The following SH3GL3 variants were observed in gnomAD, a reference collection of about 807,000 sequenced individuals.
SH3GL3 encodes the protein SH3 domain containing GRB2 like 3, endophilin A3, also known as endophilin-A3.
A neutral mutation model predicts 47.7 loss-of-function variants in SH3GL3; 33 were observed. The observed-to-expected ratio is 0.69, with a 90% CI of 0.52 to 0.92. SH3GL3 has a LOEUF of 0.92. SH3GL3 is among the 40% of genes least tolerant of loss of function. SH3GL3 has a pLI of 0.00. For missense variants in SH3GL3, 363 were observed against 417.8 expected, an observed-to-expected ratio of 0.87 and a Z score of 1.14; for synonymous variants, 155 against 148.8, an observed-to-expected ratio of 1.04 and a Z score of -0.30.
At chr15:83,536,426 CAG>C (rs1215890548) in intron 1 of SH3GL3, among the ~76,000 whole-genome samples, 2 of 66,222 alleles carry the variant, frequency 3.0e-5, no homozygotes, top group African/African-American at 7.9e-5. Context: ...TTTTTTGAGA[CAG>C]AGTCTTACTC....
intron 1 of SH3GL3, among the ~76,000 whole-genome samples, chr15:83,456,669 G>A (rs1596004500): frequency 7.1e-6 from 1 of 141,686 alleles, no homozygotes; most frequent in African/African-American, 2.6e-5. Flanking sequence ...GCTTCGGCTC[G>A]CGCACGGTGC....
intron 1 of SH3GL3, among the ~76,000 whole-genome samples, chr15:83,551,855 T>C (rs1024299997): frequency 2.0e-5 from 3 of 152,248 alleles, no homozygotes; most frequent in African/African-American, 4.8e-5. Context: ...TGTAATCCAA[T>C]TGTGTAGATA....
chr15:83,578,291 C>G (rs547307345), intron 6 of SH3GL3, among the ~76,000 whole-genome samples: 4 of 152,172 alleles, frequency 2.6e-5, no homozygotes, highest in African/African-American at 7.2e-5. Flanking sequence ...CTCCGGAGCC[C>G]CTGCCCTCAG....
intron 1 of SH3GL3, among the ~76,000 whole-genome samples, chr15:83,519,770 T>C (rs1691183032): frequency 6.6e-6 from 1 of 152,222 alleles, no homozygotes; most frequent in Non-Finnish European, 1.5e-5. Context: ...TTCTTTTCCG[T>C]ATATGGTAAG....
At chr15:83,566,365 A>AGAGTGTGTGTGTGT (rs1459069703) in intron 3 of SH3GL3, among the ~76,000 whole-genome samples, 5 of 136,626 alleles carry the variant, frequency 3.7e-5, no homozygotes, top group African/African-American at 1.1e-4. Context: ...AGAGAGAGAG[A>AGAGTGTGTGTGTGT]GTGTGTGTGT....
At chr15:83,588,138 G>T (rs1489461455) in intron 7 of SH3GL3, among the ~76,000 whole-genome samples, 1 of 152,114 alleles carries the variant, frequency 6.6e-6, no homozygotes, top group African/African-American at 2.4e-5. Flanking sequence ...GTTTTGAGAT[G>T]GAGTCGTGCT....
intron 6 of SH3GL3, among the ~76,000 whole-genome samples, chr15:83,585,351 C>G (rs1393808775): frequency 5.9e-5 from 9 of 152,310 alleles, no homozygotes; most frequent in Middle Eastern, 6.8e-3. Context: ...CCCCTTGCCC[C>G]CTTCCTGTTC....
chr15:83,588,410 G>A (rs1282097251), intron 7 of SH3GL3, among the ~76,000 whole-genome samples: 1 of 152,190 alleles, frequency 6.6e-6, no homozygotes, highest in Non-Finnish European at 1.5e-5. Flanking sequence ...ACAGGCATGA[G>A]CCACCATGGC....
At chr15:83,460,085 CCTTCCTTCCTTG>C (rs2040216424) in intron 1 of SH3GL3, among the ~76,000 whole-genome samples, 2 of 128,314 alleles carry the variant, frequency 1.6e-5, no homozygotes, top group South Asian at 3.2e-4. Context: ...TTCCTTCCTT[CCTTCCTTCCTTG>C]CTTCCTTCCT....
chr15:83,619,745 C>G (rs748868736), downstream of SH3GL3, among the ~76,000 whole-genome samples: 1 of 152,162 alleles, frequency 6.6e-6, no homozygotes, highest in Non-Finnish European at 1.5e-5. Flanking sequence ...ATATTGATAG[C>G]CACTGACTGA....
chr15:83,616,528 C>T (rs2060823610), intron 8 of SH3GL3, among the ~76,000 whole-genome samples: 1 of 152,142 alleles, frequency 6.6e-6, no homozygotes, highest in East Asian at 1.9e-4. Flanking sequence ...AAGCGTGAGC[C>T]ACTGCGCCTG....
chr15:83,627,530 C>G, the SH3GL3 span, among the ~76,000 whole-genome samples: 1 of 152,158 alleles, frequency 6.6e-6, no homozygotes, highest in African/African-American at 2.4e-5. Context: ...GACAGAAGCA[C>G]TGCAGAATAG....
At chr15:83,544,646 T>G (rs958887941) in intron 1 of SH3GL3, among the ~76,000 whole-genome samples, 1 of 152,168 alleles carries the variant, frequency 6.6e-6, no homozygotes, top group African/African-American at 2.4e-5. Context: ...TCTTTCAGAT[T>G]GAAAAACTCC....
downstream of SH3GL3, among the ~76,000 whole-genome samples, chr15:83,619,180 G>A (rs2060900286): frequency 6.6e-6 from 1 of 152,182 alleles, no homozygotes; most frequent in African/African-American, 2.4e-5. Context: ...GAAGGGGCAG[G>A]TATTATTTCC....
chr15:83,619,791 G>T (rs2060906511), downstream of SH3GL3, among the ~76,000 whole-genome samples: 1 of 152,180 alleles, frequency 6.6e-6, no homozygotes, highest in African/African-American at 2.4e-5. Flanking sequence ...GGTGTCTGTG[G>T]CAATTTCTTA....
chr15:83,513,002 A>G (rs1471339044), intron 1 of SH3GL3, among the ~76,000 whole-genome samples: 2 of 152,280 alleles, frequency 1.3e-5, no homozygotes, highest in Non-Finnish European at 1.5e-5. Context: ...ACAAATCCAC[A>G]TACTCCTTTT....
chr15:83,497,421 A>G (rs1435750416), intron 1 of SH3GL3, among the ~76,000 whole-genome samples: 3 of 152,126 alleles, frequency 2.0e-5, no homozygotes, highest in Admixed American at 1.3e-4. Context: ...TCTTTTACCA[A>G]TAAATATGGA....
chr15:83,627,333 T>C, the SH3GL3 span, among the ~76,000 whole-genome samples: 2 of 150,470 alleles, frequency 1.3e-5, no homozygotes, highest in East Asian at 2.0e-4. Flanking sequence ...GGAGGCAGAG[T>C]TTGCAGTGAG....
intron 8 of SH3GL3, among the ~76,000 whole-genome samples, chr15:83,601,499 T>C (rs187788797): frequency 9.5e-4 from 145 of 152,336 alleles, no homozygotes; most frequent in Non-Finnish European, 1.7e-3. Context: ...GTATCACATA[T>C]ATTGACTTGC....
Sources: gnomAD v4.1 joint callset for allele counts (sites outside exome capture counted in the v4.1 genomes callset) on GRCh38, gnomAD v4.1.1 for gene constraint, MANE v1.5 for transcripts, NCBI Gene and HGNC (gene_info 2026-07-23, HGNC 2026-07-21) for gene names.